The following C8A variants were observed in gnomAD, a reference collection of about 807,000 sequenced individuals.
The protein encoded by C8A is complement component C8 alpha chain.
In C8A, 67 loss-of-function variants were observed where a neutral mutation model predicts 65.3. That is an observed-to-expected ratio of 1.03 (90% confidence interval 0.84 to 1.26). The LOEUF (loss-of-function observed/expected upper bound fraction) is 1.26, where lower values mean the gene tolerates loss of function less well. C8A is among the 50% of genes most tolerant of loss of function. C8A has a pLI of 0.00. For synonymous variants in C8A, 290 were observed against 259.4 expected, an observed-to-expected ratio of 1.12 and a Z score of -1.13; for missense variants, 781 against 723.9, an observed-to-expected ratio of 1.08 and a Z score of -0.90.
rs532457245 is a variant in C8A at position 56,912,652 on chromosome 1, T to G, written c.1603+27T>G. ...TAAGGTCCGTGCATCCCCACCCAGTTCCAGCCTGTCCCAGCTCAAAGGGGC... is the reference window on the plus strand; with the variant it reads ...TAAGGTCCGTGCATCCCCACCCAGTGCCAGCCTGTCCCAGCTCAAAGGGGC... On this transcript the variant is annotated intron_variant, in intron 10 of 10. Coordinates refer to ENST00000361249, the MANE Select transcript of C8A (RefSeq NM_000562.3). The G allele has an allele frequency of 1.9e-6, 3 of 1,604,626 alleles. No homozygotes were observed. In the African/African-American group the frequency reaches 4.0e-5, roughly 21 times the overall value.
rs763546316 is a variant in C8A at position 56,906,812 on chromosome 1, T to A, written c.1222+20T>A. ...AAACTGGCAAGTGTTTAGTAATAGA[T>A]CTCCCAAAAAGAGAAGCCAGGCTTT... On this transcript the variant is annotated intron_variant, in intron 8 of 10. Transcript: ENST00000361249. 10 of 1,613,686 alleles carry A rather than the reference T, an allele frequency of 6.2e-6. No individual in the cohort carries two copies. Among genetic ancestry groups the A allele is most frequent in the African/African-American group, 1.3e-5 (1 of 74,864 alleles).
intron 3 of C8A, 135 bp downstream of exon 3, chr1:56,875,228 G>C (rs543911059): frequency 1.0e-6 from 1 of 991,720 alleles, no homozygotes; most frequent in South Asian, 1.4e-5. Context: ...TTTGGGATGG[G>C]TCCTAGGAAT....
At chr1:56,860,206 G>A (rs1644019221) in intron 1 of C8A, among the ~76,000 whole-genome samples, 1 of 152,178 alleles carries the variant, frequency 6.6e-6, no homozygotes, top group Non-Finnish European at 1.5e-5. Flanking sequence ...GAGATGTGAA[G>A]GGCGGTAGTG....
At chr1:56,861,975 T>C (rs1213806425) in intron 1 of C8A, among the ~76,000 whole-genome samples, 3 of 152,198 alleles carry the variant, frequency 2.0e-5, no homozygotes, top group Non-Finnish European at 2.9e-5. Context: ...GCGCATTGCT[T>C]ATTCAAGTCT....
chr1:56,893,358 A>G (rs1390392872), intron 7 of C8A, among the ~76,000 whole-genome samples: 1 of 152,172 alleles, frequency 6.6e-6, no homozygotes, highest in Non-Finnish European at 1.5e-5. Flanking sequence ...ATTAAGAAAC[A>G]TGCCAGTGAC....
intron 7 of C8A, among the ~76,000 whole-genome samples, chr1:56,900,506 A>C (rs185289874): frequency 1.3e-5 from 2 of 152,300 alleles, no homozygotes; most frequent in Non-Finnish European, 2.9e-5. Flanking sequence ...CTCTGACCCC[A>C]GAGGTTACAC....
chr1:56,887,500 T>C (rs1214021605), intron 7 of C8A, among the ~76,000 whole-genome samples: 1 of 152,226 alleles, frequency 6.6e-6, no homozygotes, highest in Non-Finnish European at 1.5e-5. Context: ...CATAAATGTC[T>C]TCTTTTGAGA....
chr1:56,866,610 C>T (rs906423934), intron 1 of C8A, among the ~76,000 whole-genome samples: 24 of 152,214 alleles, frequency 1.6e-4, no homozygotes, highest in African/African-American at 5.8e-4. Flanking sequence ...TATAATCATG[C>T]CATTCATCAC....
Position 56,867,670 on chromosome 1 carries a change from T to G in C8A, c.139T>G (p.Trp47Gly). The G allele has an allele frequency of 6.2e-7, 1 of 1,613,760 alleles. No individual in the cohort carries two copies. Among genetic ancestry groups the G allele is most frequent in the Non-Finnish European group, 8.5e-7 (1 of 1,179,858 alleles). ...CTGCCAGCTGAGCAACTGGTCAGAG[T>G]GGACAGATTGCTTTCCGTGCCAGGA... ...VTCQLSNWSEWTDCFPCQDKK... is the reference protein window; with the variant it reads ...VTCQLSNWSEGTDCFPCQDKK... The change falls in exon 2 of 11, where the codon TGG becomes GGG. Residue 47 changes from tryptophan to glycine, a missense_variant. Transcript: ENST00000361249.
chr1:56,877,235 G>A (rs1377216997), intron 4 of C8A, among the ~76,000 whole-genome samples: 1 of 152,166 alleles, frequency 6.6e-6, no homozygotes, highest in African/African-American at 2.4e-5. Flanking sequence ...AACTTCTGTT[G>A]TGTAGGGCAC....
chr1:56,883,583 G>A lies in C8A; in HGVS notation c.757G>A (p.Gly253Ser), dbSNP rs141666945. 8.1e-6 allele frequency: 13 copies of A among 1,613,714 alleles called. No homozygotes were observed. The highest frequency in any genetic ancestry group is 3.3e-5 in the Admixed American group (2 of 59,938). The change falls in exon 6 of 11, where the codon GGC becomes AGC. Residue 253 changes from glycine to serine, a missense_variant. By Grantham distance (56) the Gly-to-Ser change is moderately conservative. Transcript: ENST00000361249. ...GTCTGACTCATTTGGAGTGACCATC[G>A]GCATAGGCCCAGCCGGCAGCCCTTT... Reference protein sequence around the residue: ...DKSDSFGVTIGIGPAGSPLLV... With the variant: ...DKSDSFGVTISIGPAGSPLLV...
chr1:56,885,443 AATAT>A (rs570023066), intron 6 of C8A, among the ~76,000 whole-genome samples: 31 of 118,818 alleles, frequency 2.6e-4, no homozygotes, highest in African/African-American at 1.2e-3. Flanking sequence ...TATTTAAGTA[AATAT>A]ATATATATTT....
At position 56,877,443 on chromosome 1, in the gene C8A, C is replaced by G. The variant is rs548493627; in HGVS notation, c.464+1234C>G. On this transcript the variant is annotated intron_variant, in intron 4 of 10. Coordinates refer to ENST00000361249, the MANE Select transcript of C8A (RefSeq NM_000562.3). ...TACCCAATAGGCTGGGGATGTCTGT[C>G]GAGGTGTCTATCTGCCCAGGCTAGG... 4.6e-5 allele frequency among the ~76,000 whole-genome samples: 7 copies of G among 152,254 alleles called. 1 individual carries two copies. The highest frequency in any genetic ancestry group is 2.0e-4 in the Admixed American group (3 of 15,294).
At chr1:56,894,508 C>G (rs942231652) in intron 7 of C8A, among the ~76,000 whole-genome samples, 1 of 152,156 alleles carries the variant, frequency 6.6e-6, no homozygotes, top group African/African-American at 2.4e-5. Flanking sequence ...AAGACCCTTC[C>G]AGCAAGAGTT....
chr1:56,917,423 C>G, intron 10 of C8A, 142 bp from the exon 11 acceptor site: 1 of 798,252 alleles, frequency 1.3e-6, no homozygotes, highest in Admixed American at 2.0e-5. Context: ...TACGTACCTC[C>G]AACAAGCTGC....
At chr1:56,911,845 C>T (rs1458276917) in intron 9 of C8A, among the ~76,000 whole-genome samples, 2 of 152,184 alleles carry the variant, frequency 1.3e-5, no homozygotes. Flanking sequence ...TTTATTAATT[C>T]CTGCATTGAA....
chr1:56,867,796 C>A, intron 2 of C8A, 94 bp downstream of exon 2: 1 of 910,734 alleles, frequency 1.1e-6, no homozygotes, highest in Non-Finnish European at 1.8e-6. Flanking sequence ...TGTCTAGGGG[C>A]CTGGGGAGAA....
chr1:56,905,148 G>A lies in C8A; in HGVS notation c.1097-1519G>A, dbSNP rs1246095040. Among the ~76,000 whole-genome samples the A allele has an allele frequency of 2.0e-5, 3 of 152,246 alleles. No individual in the cohort carries two copies. In the East Asian group the frequency reaches 5.8e-4, roughly 29 times the overall value. ...TGTTTGAATGGAAATGGCAGAAGAA[G>A]CCCTTTGCTCAGTGCTGAGTGCCGG... On this transcript the variant is annotated intron_variant, in intron 7 of 10. Transcript: ENST00000361249.
At chr1:56,885,805 C>T in intron 6 of C8A, 122 bp from the exon 7 acceptor site, 1 of 1,344,606 alleles carries the variant, frequency 7.4e-7, no homozygotes, top group Non-Finnish European at 1.0e-6. Context: ...CAGCTTCTGC[C>T]TCCCAAAATG....
Sources: gnomAD v4.1 joint callset for allele counts (sites outside exome capture counted in the v4.1 genomes callset) on GRCh38, gnomAD v4.1.1 for gene constraint, MANE v1.5 for transcripts, NCBI Gene and HGNC (gene_info 2026-07-23, HGNC 2026-07-21) for gene names.